The following TGFBI variants were observed in gnomAD, a reference collection of about 807,000 sequenced individuals.
TGFBI encodes transforming growth factor-beta-induced protein ig-h3.
In TGFBI, 50 loss-of-function variants were observed where a neutral mutation model predicts 73.7. That is an observed-to-expected ratio of 0.68 (90% CI 0.54 to 0.86). TGFBI has a LOEUF of 0.86. Among genes scored for constraint, TGFBI ranks in the 40% least tolerant of loss-of-function variants. The pLI is 0.00. For synonymous variants in TGFBI, 362 were observed against 360.5 expected (o/e 1.00, Z -0.05); for missense variants, 839 against 877.0 (o/e 0.96, Z 0.55).
chr5:136,056,005 A>G (rs1219079706), intron 11 of TGFBI, among the ~76,000 whole-genome samples, 189 bp downstream of exon 11: 15 of 152,230 alleles, frequency 9.9e-5, no homozygotes, highest in Admixed American at 9.8e-4. Context: ...TACATTGGGA[A>G]GAAGGGTTAC....
chr5:136,047,503 G>A (rs921743077), intron 6 of TGFBI, 83 bp downstream of exon 6: 21 of 1,551,256 alleles, frequency 1.4e-5, no homozygotes, highest in Non-Finnish European at 1.5e-5. Context: ...TTCTGCAGGA[G>A]AGGTAGAGGA....
At chr5:136,056,543 CAGTGGCCTGGA>C in intron 11 of TGFBI, 111 bp from the exon 12 acceptor site, 1 of 1,327,604 alleles carries the variant, frequency 7.5e-7, no homozygotes, top group Non-Finnish European at 1.1e-6. Context: ...GTGTGCATTC[CAGTGGCCTGGA>C]CTCTACTATC....
Position 136,052,890 on chromosome 5 carries a change from G to C in TGFBI, c.914-17G>C. 1 of 1,611,798 alleles carries C rather than the reference G, an allele frequency of 6.2e-7. No homozygotes were observed. The highest frequency in any genetic ancestry group is 8.5e-7 in the Non-Finnish European group (1 of 1,178,108). On this transcript the variant is annotated splice_polypyrimidine_tract_variant and intron_variant, in intron 7 of 16. Coordinates refer to ENST00000442011, the MANE Select transcript of TGFBI (RefSeq NM_000358.3). ...TGGAGTGGACCCTGACTTGACCTGAGTCTGTTTGGACCCCAGACCTGCTGA... is the reference window on the plus strand; with the variant it reads ...TGGAGTGGACCCTGACTTGACCTGACTCTGTTTGGACCCCAGACCTGCTGA...
chr5:136,060,933 C>A lies in TGFBI; in HGVS notation c.1903C>A (p.Pro635Thr). 6.4e-7 allele frequency: 1 copy of A among 1,566,064 alleles called. No homozygotes were observed. The highest frequency in any genetic ancestry group is 8.7e-7 in the Non-Finnish European group (1 of 1,149,648). ...VHVITNVLQP[P>T]ANRPQERGDE... ...TGTCATCACCAATGTTCTGCAGCCTCCAGGTAAGTGTCGCATCCCCACTGA... is the reference window on the plus strand; with the variant it reads ...TGTCATCACCAATGTTCTGCAGCCTACAGGTAAGTGTCGCATCCCCACTGA... The change falls in exon 14 of 17, where the codon CCA becomes ACA. Residue 635 changes from proline to threonine, a missense_variant. Pro to Thr is a conservative substitution (Grantham distance 38). Transcript: ENST00000442011.
chr5:136,042,422 C>A (rs1474871974), intron 2 of TGFBI, among the ~76,000 whole-genome samples: 8 of 152,200 alleles, frequency 5.3e-5, no homozygotes, highest in Admixed American at 4.6e-4. Context: ...GATCACAAGT[C>A]AAATCTCCTG....
chr5:136,052,811 G>A, intron 7 of TGFBI, 96 bp from the exon 8 acceptor site: 2 of 1,223,308 alleles, frequency 1.6e-6, no homozygotes, highest in Non-Finnish European at 2.3e-6. Flanking sequence ...CCTCATCTGA[G>A]AGAACAGGAT....
chr5:136,046,761 G>A, intron 4 of TGFBI, 90 bp from the exon 5 acceptor site: 2 of 1,470,992 alleles, frequency 1.4e-6, no homozygotes, highest in Non-Finnish European at 1.8e-6. Context: ...GGCTCACGAG[G>A]GCTGAGAACA....
At position 136,046,834 on chromosome 5, in the gene TGFBI, C is replaced by G. The variant is rs3749785; in HGVS notation, c.460-17C>G. ...AGAGTCTGCAGCCCCTAACTGACAC[C>G]CTGTCCTTCCTCCTAGGAAGTGCTG... On this transcript the variant is annotated splice_polypyrimidine_tract_variant and intron_variant, in intron 4 of 16. Coordinates refer to ENST00000442011, the MANE Select transcript of TGFBI (RefSeq NM_000358.3). 11 of 1,608,812 alleles carry G rather than the reference C, an allele frequency of 6.8e-6. No individual in the cohort carries two copies. The Admixed American group carries it at 1.7e-4, about 24-fold the overall frequency.
chr5:136,052,248 C>T (rs1372886732), intron 7 of TGFBI, among the ~76,000 whole-genome samples: 1 of 152,260 alleles, frequency 6.6e-6, no homozygotes, highest in Non-Finnish European at 1.5e-5. Context: ...ATTATACTTA[C>T]TATTTATGGG....
intron 8 of TGFBI, 48 bp downstream of exon 8, chr5:136,053,167 T>G: frequency 3.8e-6 from 6 of 1,564,900 alleles, no homozygotes; most frequent in Non-Finnish European, 5.3e-6. Context: ...CCACCATCTC[T>G]TCTGCCATCC....
intron 16 of TGFBI, 104 bp downstream of exon 16, chr5:136,062,791 G>A: frequency 1.6e-6 from 2 of 1,287,976 alleles, no homozygotes; most frequent in African/African-American, 1.5e-5. Flanking sequence ...ACATCATGGT[G>A]CAGTAAAAGA....
At position 136,033,950 on chromosome 5, in the gene TGFBI, G is replaced by A. The variant is rs1751170152; in HGVS notation, c.233+89G>A. The A allele has an allele frequency of 6.1e-5, 70 of 1,147,672 alleles. No individual in the cohort carries two copies. In the South Asian group the frequency reaches 9.0e-4, roughly 15 times the overall value. The allele number at this position is 1,147,672 out of a possible 1,614,324, so 71.1% of individuals were successfully genotyped here. A position where few individuals can be genotyped will look rare whatever the true frequency, so the allele number is the denominator to read the frequency against. On this transcript the variant is annotated intron_variant, in intron 2 of 16. Transcript: ENST00000442011. Reference sequence around the variant, plus strand: ...CTGGGCCAGCCTTCTAGAAGGTCAGGTTGCCTAAAAAGCCATGAAGATGCA... The same window carrying A: ...CTGGGCCAGCCTTCTAGAAGGTCAGATTGCCTAAAAAGCCATGAAGATGCA...
chr5:136,063,257 G>A lies in TGFBI; in HGVS notation c.*31G>A. The A allele has an allele frequency of 6.3e-7, 1 of 1,594,826 alleles. No homozygotes were observed. Among genetic ancestry groups the A allele is most frequent in the South Asian group, 1.1e-5 (1 of 90,054 alleles). ...AGCACTACAGGAGGAATGCACCACGGCAGCTCTCCGCCAATTTCTCTCAGA... is the reference window on the plus strand; with the variant it reads ...AGCACTACAGGAGGAATGCACCACGACAGCTCTCCGCCAATTTCTCTCAGA... On this transcript the variant is annotated 3_prime_UTR_variant, in exon 17 of 17. Coordinates refer to ENST00000442011, the MANE Select transcript of TGFBI (RefSeq NM_000358.3).
At chr5:136,058,207 C>T (rs760963016) in intron 12 of TGFBI, among the ~76,000 whole-genome samples, 6 of 152,198 alleles carry the variant, frequency 3.9e-5, no homozygotes, top group Non-Finnish European at 7.3e-5. Context: ...GTGGCTCCAT[C>T]CTCTGGCAGG....
At chr5:136,052,324 G>A (rs1352398098) in intron 7 of TGFBI, among the ~76,000 whole-genome samples, 3 of 152,250 alleles carry the variant, frequency 2.0e-5, no homozygotes. Flanking sequence ...TATCCTGGCA[G>A]CTAGTAGACC....
At chr5:136,044,031 A>C (rs774297092) in intron 2 of TGFBI, 27 bp from the exon 3 acceptor site, 9 of 1,607,598 alleles carry the variant, frequency 5.6e-6, no homozygotes, top group Non-Finnish European at 7.7e-6. Context: ...GCCCTGCCTA[A>C]CACAATGTAT....
chr5:136,050,875 C>A (rs569740474), intron 7 of TGFBI, among the ~76,000 whole-genome samples: 1 of 152,096 alleles, frequency 6.6e-6, no homozygotes, highest in African/African-American at 2.4e-5. Flanking sequence ...TGCGCCTGGC[C>A]GGCACTGGGG....
At chr5:136,054,676 A>G in intron 9 of TGFBI, 40 bp from the exon 10 acceptor site, 1 of 1,613,348 alleles carries the variant, frequency 6.2e-7, no homozygotes, top group South Asian at 1.1e-5. Context: ...TCATTGCAGG[A>G]GCACATCTCT....
intron 13 of TGFBI, 108 bp downstream of exon 13, chr5:136,059,322 C>T (rs768921071): frequency 9.8e-5 from 142 of 1,446,360 alleles, no homozygotes; most frequent in Non-Finnish European, 1.2e-4. Context: ...CAAGTTGCAG[C>T]CCGAATCTCT....
Sources: gnomAD v4.1 joint callset for allele counts (sites outside exome capture counted in the v4.1 genomes callset) on GRCh38, gnomAD v4.1.1 for gene constraint, MANE v1.5 for transcripts, NCBI Gene and HGNC (gene_info 2026-07-23, HGNC 2026-07-21) for gene names.